Variants in PNPLA1 observed in about 807,000 individuals in gnomAD.
The protein encoded by PNPLA1 is patatin like domain 1, omega-hydroxyceramide transacylase, also known as omega-hydroxyceramide transacylase.
A neutral mutation model predicts 51.7 loss-of-function variants in PNPLA1; 36 were observed. The observed-to-expected ratio is 0.70, with a 90% confidence interval of 0.53 to 0.92. The LOEUF (loss-of-function observed/expected upper bound fraction) is 0.92. PNPLA1 is among the 40% of genes least tolerant of loss of function. The pLI is 0.00. For missense variants in PNPLA1, 658 were observed against 682.5 expected (o/e 0.96, Z 0.40); for synonymous variants, 293 against 280.1 (o/e 1.05, Z -0.46).
rs184389833 is a variant in PNPLA1, at chr6:36,280,842, T to A, written c.205+10178T>A. Among the ~76,000 whole-genome samples, 190 of 152,310 alleles carry A rather than the reference T, an allele frequency of 1.2e-3. 3 individuals are homozygous for A. The South Asian group carries it at 0.032, about 26-fold the overall frequency. ...TCTTTCTCTGTCACCTAGGCTGGAG[T>A]GCAGAGGCGCCATCATAGCTCACTG... On this transcript the variant is annotated intron_variant, in intron 1 of 8. Coordinates refer to ENST00000636260, the MANE Select transcript of PNPLA1 (RefSeq NM_001374623.1).
At chr6:36,296,097 G>T (rs753170671) in intron 5 of PNPLA1, among the ~76,000 whole-genome samples, 1 of 152,148 alleles carries the variant, frequency 6.6e-6, no homozygotes, top group African/African-American at 2.4e-5. Context: ...AATCACTTGA[G>T]CCCAGGAATT....
intron 8 of PNPLA1, among the ~76,000 whole-genome samples, chr6:36,309,982 G>T (rs1771351139): frequency 6.6e-6 from 1 of 152,208 alleles, no homozygotes; most frequent in South Asian, 2.1e-4. Flanking sequence ...AGAGAGGCTA[G>T]AACAAAAGCT....
At chr6:36,278,614 A>C (rs182075375) in intron 1 of PNPLA1, among the ~76,000 whole-genome samples, 1 of 152,328 alleles carries the variant, frequency 6.6e-6, no homozygotes, top group East Asian at 1.9e-4. Context: ...CGGCTGCACT[A>C]GTACAGCCCC....
At chr6:36,287,127 G>A (rs1346780095) in intron 1 of PNPLA1, among the ~76,000 whole-genome samples, 1 of 152,106 alleles carries the variant, frequency 6.6e-6, no homozygotes, top group African/African-American at 2.4e-5. Flanking sequence ...CTTTTATTGG[G>A]TAATTAAGTC....
At chr6:36,259,369 T>A (rs1169386833) in intron 1 of PNPLA1, among the ~76,000 whole-genome samples, 1 of 152,146 alleles carries the variant, frequency 6.6e-6, no homozygotes, top group Non-Finnish European at 1.5e-5. Flanking sequence ...ATCGATTATC[T>A]GCTGCAAGCA....
intron 1 of PNPLA1, among the ~76,000 whole-genome samples, chr6:36,282,229 G>GGAAA (rs1392696908): frequency 7.2e-6 from 1 of 139,692 alleles, no homozygotes; most frequent in Non-Finnish European, 1.6e-5. Context: ...AAGGAAGGAA[G>GGAAA]GAAGGAAAGA....
chr6:36,290,796 C>T (rs1254594462), intron 1 of PNPLA1, among the ~76,000 whole-genome samples: 1 of 152,178 alleles, frequency 6.6e-6, no homozygotes, highest in Non-Finnish European at 1.5e-5. Context: ...TCACCTCCTC[C>T]TCATGATTCA....
At chr6:36,255,310 G>A (rs1032413637) in intron 1 of PNPLA1, among the ~76,000 whole-genome samples, 5 of 152,092 alleles carry the variant, frequency 3.3e-5, no homozygotes, top group Non-Finnish European at 5.9e-5. Context: ...TTCGAGACCA[G>A]CCTGACCAAC....
rs1295175936 is a variant in PNPLA1, at chr6:36,313,227, T to C, written c.*1341T>C. On this transcript the variant is annotated 3_prime_UTR_variant, in exon 9 of 9. Transcript: ENST00000636260. ...ACAAATGAGGGCTCTCTGTCTGCTG[T>C]TCACACCTCAGTGAAAATGTTCCGT... 6.6e-6 allele frequency among the ~76,000 whole-genome samples: 1 copy of C among 152,162 alleles called. No individual in the cohort carries two copies. Among genetic ancestry groups the C allele is most frequent in the African/African-American group, 2.4e-5 (1 of 41,440 alleles).
chr6:36,305,300 C>T (rs1771197122), intron 6 of PNPLA1, among the ~76,000 whole-genome samples: 1 of 152,118 alleles, frequency 6.6e-6, no homozygotes, highest in African/African-American at 2.4e-5. Context: ...TTGGACACCC[C>T]TGCCCTAGAG....
At chr6:36,299,333 C>CTGTT in intron 5 of PNPLA1, among the ~76,000 whole-genome samples, 1 of 142,368 alleles carries the variant, frequency 7.0e-6, no homozygotes, top group East Asian at 2.1e-4. Flanking sequence ...GTTTTTTTGT[C>CTGTT]TGTTTTTTTT....
chr6:36,291,602 C>T lies in PNPLA1; in HGVS notation c.438+50C>T, dbSNP rs111417208. ...GGGACACGGAGGGGGCGGGGGAGGG[C>T]GGCTCCTGCTCTTTCTCCACAGCTC... On this transcript the variant is annotated intron_variant, in intron 2 of 8. Transcript: ENST00000636260. 214 of 1,285,850 alleles carry T rather than the reference C, an allele frequency of 1.7e-4. No individual in the cohort carries two copies. In the African/African-American group the frequency reaches 2.5e-3, roughly 15 times the overall value. The allele number at this position is 1,285,850 out of a possible 1,614,324, so 79.7% of individuals were successfully genotyped here. A position where few individuals can be genotyped will look rare whatever the true frequency, so the allele number is the denominator to read the frequency against.
intron 1 of PNPLA1, among the ~76,000 whole-genome samples, chr6:36,263,929 T>TCCTAAGCTGCTTCCCTGCC (rs1769706893): frequency 6.6e-6 from 1 of 152,128 alleles, no homozygotes; most frequent in African/African-American, 2.4e-5. Flanking sequence ...AATCAGCCAG[T>TCCTAAGCTGCTTCCCTGCC]CCTAAGCTGC....
At chr6:36,292,948 C>T (rs991291602) in intron 2 of PNPLA1, 113 bp from the exon 3 acceptor site, 1 of 860,178 alleles carries the variant, frequency 1.2e-6, no homozygotes, top group South Asian at 1.9e-5. Flanking sequence ...GGCACCTTCA[C>T]CTAGAATTTA....
At chr6:36,298,236 TC>T (rs1349104705) in intron 5 of PNPLA1, among the ~76,000 whole-genome samples, 1 of 152,118 alleles carries the variant, frequency 6.6e-6, no homozygotes, top group African/African-American at 2.4e-5. Flanking sequence ...ATTTACCCAG[TC>T]CCCTGTTGAT....
chr6:36,308,711 G>A (rs570642731), intron 8 of PNPLA1: 5 of 152,232 alleles, frequency 3.3e-5, no homozygotes, highest in East Asian at 3.9e-4. Context: ...TTTTTTTACC[G>A]AGTCATCATA....
chr6:36,311,267 T>C (rs1039076225), intron 8 of PNPLA1, among the ~76,000 whole-genome samples: 1 of 152,200 alleles, frequency 6.6e-6, no homozygotes, highest in Non-Finnish European at 1.5e-5. Flanking sequence ...TCAGGGAACC[T>C]GGTGGAGGTG....
At position 36,263,777 on chromosome 6, in the gene PNPLA1, C is replaced by T. The variant is rs569465836; in HGVS notation, c.-81+20516C>T. Among the ~76,000 whole-genome samples, 3 of 152,260 alleles carry T rather than the reference C, an allele frequency of 2.0e-5. No individual in the cohort carries two copies. The East Asian group carries it at 5.8e-4, about 29-fold the overall frequency. ...AGGGCTGGGGTGGGTGGGGCAGCGG[C>T]GCCTCTCATATGTAAACTAGCCCAT... On this transcript the variant is annotated intron_variant, in intron 1 of 7. Coordinates refer to the PNPLA1 transcript ENST00000312917.
chr6:36,262,181 C>A (rs938435162), intron 1 of PNPLA1, among the ~76,000 whole-genome samples: 4 of 152,296 alleles, frequency 2.6e-5, no homozygotes, highest in African/African-American at 9.6e-5. Context: ...GAAGCCCAGG[C>A]TGATCCTCTG....
Sources: allele counts gnomAD v4.1 joint callset (sites outside exome capture counted in the v4.1 genomes callset), GRCh38; gene constraint gnomAD v4.1.1; transcripts MANE v1.5; gene names NCBI Gene and HGNC (gene_info 2026-07-23, HGNC 2026-07-21).